Variants in ERICH1 observed in about 807,000 individuals in gnomAD.
The protein encoded by ERICH1 is glutamate-rich protein 1.
A neutral mutation model predicts 39.6 loss-of-function variants in ERICH1; 56 were observed. That is an observed-to-expected ratio of 1.41 (90% CI 1.14 to 1.77). ERICH1 has a LOEUF of 1.77. Ranked by LOEUF, ERICH1 falls within the 40% of genes most tolerant of loss-of-function variation. ERICH1 has a pLI of 0.00. For synonymous variants in ERICH1, 313 were observed against 223.6 expected, an observed-to-expected ratio of 1.40 and a Z score of -3.57; for missense variants, 826 against 575.4, an observed-to-expected ratio of 1.44 and a Z score of -4.45.
chr8:720,599 A>T (rs1050266415), intron 1 of ERICH1, among the ~76,000 whole-genome samples: 1 of 152,214 alleles, frequency 6.6e-6, no homozygotes, highest in Non-Finnish European at 1.5e-5. Flanking sequence ...GTGCTAATTC[A>T]CGACGGTCAA....
chr8:688,142 G>C (rs906660146), intron 3 of ERICH1, among the ~76,000 whole-genome samples: 2 of 152,198 alleles, frequency 1.3e-5, no homozygotes, highest in East Asian at 3.9e-4. Context: ...CTGCAACCCA[G>C]GCGGGGCAAG....
chr8:694,713 T>C (rs1585380693), intron 2 of ERICH1, among the ~76,000 whole-genome samples: 2 of 152,326 alleles, frequency 1.3e-5, no homozygotes, highest in East Asian at 3.9e-4. Context: ...TAATACCTTC[T>C]GGTTCTAACT....
chr8:680,385 C>A (rs951764254), intron 3 of ERICH1, among the ~76,000 whole-genome samples: 1 of 151,420 alleles, frequency 6.6e-6, no homozygotes, highest in African/African-American at 2.4e-5. Context: ...CAGCTGCCAC[C>A]CCTGAAAACA....
At chr8:674,696 T>G (rs887980275) in intron 3 of ERICH1, among the ~76,000 whole-genome samples, 5 of 152,242 alleles carry the variant, frequency 3.3e-5, no homozygotes, top group African/African-American at 1.2e-4. Context: ...TTAAAAAATT[T>G]ATTTTACAAT....
chr8:650,434 TAACTC>T (rs984999361), intron 3 of ERICH1, among the ~76,000 whole-genome samples: 18 of 152,342 alleles, frequency 1.2e-4, no homozygotes, highest in Middle Eastern at 6.8e-3. Context: ...CTTGTCGCCT[TAACTC>T]GTTTTCCATC....
At chr8:728,094 G>A (rs1447349251) in intron 1 of ERICH1, among the ~76,000 whole-genome samples, 2 of 152,188 alleles carry the variant, frequency 1.3e-5, no homozygotes, top group African/African-American at 4.8e-5. Context: ...GATCGTCTCT[G>A]CCAAGCAAAC....
chr8:717,082 G>C (rs993763010), intron 1 of ERICH1, among the ~76,000 whole-genome samples: 1 of 152,182 alleles, frequency 6.6e-6, no homozygotes, highest in Non-Finnish European at 1.5e-5. Flanking sequence ...GTGAGGTGCA[G>C]TGTGGTCATG....
intron 3 of ERICH1, among the ~76,000 whole-genome samples, chr8:630,531 C>T (rs13275604): frequency 9.3e-5 from 10 of 107,130 alleles, no homozygotes; most frequent in East Asian, 6.4e-4. Context: ...CACACCCTCC[C>T]GTGAGCACCC....
At chr8:701,587 G>C (rs751606476) in intron 2 of ERICH1, among the ~76,000 whole-genome samples, 12 of 152,242 alleles carry the variant, frequency 7.9e-5, no homozygotes, top group Non-Finnish European at 1.5e-4. Context: ...GTGAGCAACA[G>C]AGTCGGACCA....
chr8:694,722 C>T (rs1363157138), intron 2 of ERICH1, among the ~76,000 whole-genome samples: 1 of 152,192 alleles, frequency 6.6e-6, no homozygotes, highest in Non-Finnish European at 1.5e-5. Flanking sequence ...CTGGTTCTAA[C>T]TTTTTATATT....
intron 1 of ERICH1, among the ~76,000 whole-genome samples, chr8:717,004 G>A (rs1226744892): frequency 6.6e-6 from 1 of 152,170 alleles, no homozygotes; most frequent in Non-Finnish European, 1.5e-5. Context: ...TCCACGCAAC[G>A]CTCACCAGAG....
intron 3 of ERICH1, among the ~76,000 whole-genome samples, chr8:638,511 C>G (rs979033987): frequency 7.2e-5 from 11 of 152,200 alleles, no homozygotes; most frequent in African/African-American, 2.7e-4. Flanking sequence ...CAGGAGGGAA[C>G]TGAGTGTGGG....
intron 2 of ERICH1, among the ~76,000 whole-genome samples, chr8:695,101 T>C (rs1809837666): frequency 7.0e-6 from 1 of 142,258 alleles, no homozygotes. Context: ...TCTTCGCAGG[T>C]GTCATTGACC....
At chr8:630,156 C>G (rs377499017) in intron 3 of ERICH1, among the ~76,000 whole-genome samples, 818 of 60,014 alleles carry the variant, frequency 0.014, no homozygotes, top group East Asian at 0.055. Context: ...CCTCCCGTGA[C>G]CACCCACACA....
At chr8:638,390 T>C (rs1256670904) in intron 3 of ERICH1, among the ~76,000 whole-genome samples, 1 of 152,098 alleles carries the variant, frequency 6.6e-6, no homozygotes, top group Non-Finnish European at 1.5e-5. Context: ...GAGGCCTGCT[T>C]GAGATACAGC....
intron 3 of ERICH1, among the ~76,000 whole-genome samples, chr8:635,596 C>T (rs1202841853): frequency 6.6e-6 from 1 of 152,210 alleles, no homozygotes; most frequent in Non-Finnish European, 1.5e-5. Flanking sequence ...GGCCCGGCCC[C>T]GACCTGCCAG....
At chr8:678,523 T>C (rs551863836) in intron 3 of ERICH1, among the ~76,000 whole-genome samples, 114 of 152,338 alleles carry the variant, frequency 7.5e-4, no homozygotes, top group Middle Eastern at 6.8e-3. Context: ...CAGGCTTAGA[T>C]AGGTTCACCT....
chr8:618,012 G>A (rs1321552406), intron 3 of ERICH1, among the ~76,000 whole-genome samples: 2 of 147,224 alleles, frequency 1.4e-5, no homozygotes, highest in Non-Finnish European at 3.0e-5. Context: ...TCAGTACTTG[G>A]TGCTTGGTCC....
At chr8:660,797 C>T (rs1442710048), downstream of ERICH1, among the ~76,000 whole-genome samples, 1 of 152,214 alleles carries the variant, frequency 6.6e-6, no homozygotes, top group African/African-American at 2.4e-5. Flanking sequence ...AGATCCGCAG[C>T]TTTCGAGCTG....
Sources: gnomAD v4.1 joint callset for allele counts (sites outside exome capture counted in the v4.1 genomes callset) on GRCh38, gnomAD v4.1.1 for gene constraint, MANE v1.5 for transcripts, NCBI Gene and HGNC (gene_info 2026-07-23, HGNC 2026-07-21) for gene names.